Variants in KIF6 observed in about 807,000 individuals in gnomAD.
The protein encoded by KIF6 is kinesin family member 6, also known as kinesin-like protein KIF6.
A neutral mutation model predicts 112.7 loss-of-function variants in KIF6; 106 were observed. The observed-to-expected ratio is 0.94, with a 90% confidence interval of 0.80 to 1.11. The LOEUF (loss-of-function observed/expected upper bound fraction) is 1.11. Ranked by LOEUF, KIF6 falls within the 50% of genes least tolerant of loss-of-function variation. The pLI is 0.00. For synonymous variants in KIF6, 339 were observed against 339.9 expected (o/e 1.00, Z 0.03); for missense variants, 929 against 964.0 (o/e 0.96, Z 0.48).
intron 3 of KIF6, among the ~76,000 whole-genome samples, chr6:39,643,062 A>C (rs1345135084): frequency 6.6e-6 from 1 of 152,154 alleles, no homozygotes; most frequent in Admixed American, 6.5e-5. Flanking sequence ...TTTATCTTGG[A>C]ATGTCTTAAT....
chr6:39,717,658 C>T (rs753567826), intron 2 of KIF6, among the ~76,000 whole-genome samples: 19 of 152,074 alleles, frequency 1.2e-4, no homozygotes, highest in Non-Finnish European at 1.9e-4. Flanking sequence ...ATGTAAGCTC[C>T]CTAAGAGCAG....
chr6:39,628,525 T>C (rs1447071948), intron 5 of KIF6, among the ~76,000 whole-genome samples: 1 of 152,088 alleles, frequency 6.6e-6, no homozygotes, highest in Non-Finnish European at 1.5e-5. Context: ...TTCCCCTGCC[T>C]TCCCTAACTC....
intron 13 of KIF6, among the ~76,000 whole-genome samples, chr6:39,444,692 A>G (rs1772192538): frequency 6.6e-6 from 1 of 152,086 alleles, no homozygotes; most frequent in African/African-American, 2.4e-5. Context: ...CTCTGTTTCT[A>G]TGAGTTCAAT....
intron 12 of KIF6, among the ~76,000 whole-genome samples, chr6:39,544,189 G>A (rs1778943420): frequency 6.6e-6 from 1 of 152,100 alleles, no homozygotes; most frequent in Non-Finnish European, 1.5e-5. Context: ...GCTTGCTAAA[G>A]ATAACCAGCT....
intron 3 of KIF6, among the ~76,000 whole-genome samples, chr6:39,711,659 T>A (rs1228022201): frequency 2.6e-5 from 4 of 152,122 alleles, no homozygotes; most frequent in African/African-American, 9.7e-5. Flanking sequence ...AGTCCTGAAT[T>A]TTTTCTAAGA....
intron 3 of KIF6, among the ~76,000 whole-genome samples, chr6:39,683,234 G>T (rs1787643137): frequency 6.6e-6 from 1 of 152,218 alleles, no homozygotes; most frequent in Non-Finnish European, 1.5e-5. Context: ...ATGGTGACTG[G>T]ACTATAAGTG....
intron 13 of KIF6, among the ~76,000 whole-genome samples, chr6:39,479,414 T>G (rs9380867): frequency 0.062 from 9,467 of 152,202 alleles, 502 homozygotes; most frequent in East Asian, 0.25. Context: ...TGTAAGTATT[T>G]GGGCTTAGTT....
At chr6:39,600,566 T>C (rs1248140644) in intron 6 of KIF6, among the ~76,000 whole-genome samples, 2 of 152,158 alleles carry the variant, frequency 1.3e-5, no homozygotes, top group Non-Finnish European at 2.9e-5. Context: ...CATTCCCTCA[T>C]TCTAGGAGCT....
At chr6:39,486,358 T>C (rs1562256861) in intron 13 of KIF6, among the ~76,000 whole-genome samples, 1 of 152,116 alleles carries the variant, frequency 6.6e-6, no homozygotes, top group Non-Finnish European at 1.5e-5. Flanking sequence ...AGGTTTCCAG[T>C]TGTCCCTTCT....
At chr6:39,698,966 T>C (rs879306557) in intron 3 of KIF6, among the ~76,000 whole-genome samples, 5 of 152,202 alleles carry the variant, frequency 3.3e-5, no homozygotes, top group Non-Finnish European at 7.3e-5. Flanking sequence ...GAAAAACACC[T>C]TGCAGTTATG....
Position 39,615,546 on chromosome 6 carries a change from A to C in KIF6, c.510-2228T>G, listed in dbSNP as rs1254674027. Among the ~76,000 whole-genome samples, 3 of 150,460 alleles carry C rather than the reference A, an allele frequency of 2.0e-5. No individual in the cohort carries two copies. The Admixed American group carries it at 2.0e-4, about 10-fold the overall frequency. On this transcript the variant is annotated intron_variant, in intron 5 of 22. Transcript: ENST00000287152. ...GCACTGCTGCTTAGGTCCCATCCTA[A>C]GAGATTCTGATTTGATTGGTCCAGG... is the stretch of plus-strand genomic sequence containing the variant.
chr6:39,347,877 C>A (rs1763929153), intron 19 of KIF6, among the ~76,000 whole-genome samples: 1 of 152,244 alleles, frequency 6.6e-6, no homozygotes, highest in African/African-American at 2.4e-5. Context: ...ACACCAGAGC[C>A]TGGGGAAGCC....
At chr6:39,584,867 A>G in intron 9 of KIF6, 31 bp downstream of exon 9, 1 of 1,357,164 alleles carries the variant, frequency 7.4e-7, no homozygotes, top group South Asian at 1.2e-5. Flanking sequence ...ACTTTAATAT[A>G]TTTTTTAAAA....
chr6:39,675,552 T>C (rs560497704), intron 3 of KIF6, among the ~76,000 whole-genome samples: 1 of 151,982 alleles, frequency 6.6e-6, no homozygotes, highest in Non-Finnish European at 1.5e-5. Context: ...AGGACTCCAG[T>C]AGACAATGTC....
intron 13 of KIF6, among the ~76,000 whole-genome samples, chr6:39,452,842 A>G (rs943603507): frequency 1.3e-5 from 2 of 152,228 alleles, no homozygotes; most frequent in African/African-American, 2.4e-5. Context: ...ATTTCAGAAC[A>G]GGCGCAAAAT....
chr6:39,473,481 G>A (rs967873740), intron 13 of KIF6, among the ~76,000 whole-genome samples: 2 of 152,042 alleles, frequency 1.3e-5, no homozygotes, highest in African/African-American at 4.8e-5. Flanking sequence ...CTAACCTGAG[G>A]ATATCAAATT....
At chr6:39,430,722 T>G (rs78670945) in intron 14 of KIF6, among the ~76,000 whole-genome samples, 93 of 152,296 alleles carry the variant, frequency 6.1e-4, no homozygotes, top group African/African-American at 2.0e-3. Context: ...GTCCATAGAC[T>G]TTTTCCCCCC....
chr6:39,337,242 T>C (rs1763075996), intron 22 of KIF6, among the ~76,000 whole-genome samples: 1 of 100,014 alleles, frequency 1.0e-5, no homozygotes, highest in East Asian at 2.9e-4. Flanking sequence ...TTTCTTTTTC[T>C]TTCTTTTCTT....
chr6:39,461,497 T>A (rs1406606043), intron 13 of KIF6, among the ~76,000 whole-genome samples: 1 of 152,182 alleles, frequency 6.6e-6, no homozygotes, highest in Non-Finnish European at 1.5e-5. Flanking sequence ...TTAATAGCTT[T>A]AGTTTTAATT....
Sources: allele counts gnomAD v4.1 joint callset (sites outside exome capture counted in the v4.1 genomes callset), GRCh38; gene constraint gnomAD v4.1.1; transcripts MANE v1.5; gene names NCBI Gene and HGNC (gene_info 2026-07-23, HGNC 2026-07-21).